Variants in GSG1L observed in about 807,000 individuals in gnomAD.
GSG1L encodes germ cell-specific gene 1-like protein.
GSG1L carries 24 observed loss-of-function variants against 42.1 expected under a neutral mutation model. The observed-to-expected ratio is 0.57, with a 90% CI of 0.41 to 0.80. The LOEUF is 0.80. GSG1L is among the 30% of genes least tolerant of loss of function. The pLI is 0.00. For synonymous variants in GSG1L, 215 were observed against 203.5 expected (o/e 1.06, Z -0.48); for missense variants, 445 against 472.2 (o/e 0.94, Z 0.53).
At chr16:27,873,568 A>G (rs559293392) in intron 3 of GSG1L, among the ~76,000 whole-genome samples, 7 of 152,340 alleles carry the variant, frequency 4.6e-5, no homozygotes, top group Non-Finnish European at 8.8e-5. Flanking sequence ...TCTTTGCCAG[A>G]TGTTGCATTA....
At chr16:27,843,973 G>A (rs928524398) in intron 4 of GSG1L, among the ~76,000 whole-genome samples, 11 of 152,158 alleles carry the variant, frequency 7.2e-5, no homozygotes, top group Non-Finnish European at 1.6e-4. Context: ...CTCCCCAACA[G>A]GGAAGCCAGC....
At chr16:28,034,933 T>C (rs978522613) in intron 1 of GSG1L, among the ~76,000 whole-genome samples, 4 of 152,222 alleles carry the variant, frequency 2.6e-5, no homozygotes, top group African/African-American at 9.6e-5. Flanking sequence ...AGCTTGTCCA[T>C]CTGTACAATG....
rs944731163 is a variant in GSG1L, at chr16:27,794,393, C to T, written c.899-2926G>A. The stretch of plus-strand genomic sequence containing the variant: ...TTGCCCAGGCTGGAGTGCAGTGGCG[C>T]GATCTCGGCTCACTGCCAGCTCCGC... On this transcript the variant is annotated intron_variant, in intron 6 of 6. Coordinates refer to ENST00000447459, the MANE Select transcript of GSG1L (RefSeq NM_001109763.2). 9.2e-5 allele frequency among the ~76,000 whole-genome samples: 14 copies of T among 151,716 alleles called. No individual in the cohort carries two copies. The East Asian group carries it at 1.2e-3, about 13-fold the overall frequency.
At chr16:27,923,332 C>T (rs1427770061) in intron 2 of GSG1L, among the ~76,000 whole-genome samples, 1 of 152,138 alleles carries the variant, frequency 6.6e-6, no homozygotes, top group Non-Finnish European at 1.5e-5. Flanking sequence ...GAGGATCATC[C>T]TCACTCCCAC....
At chr16:27,844,656 A>T (rs2083422773) in intron 4 of GSG1L, among the ~76,000 whole-genome samples, 1 of 152,232 alleles carries the variant, frequency 6.6e-6, no homozygotes, top group East Asian at 1.9e-4. Flanking sequence ...TTCACATGTC[A>T]CAAAACAGCA....
rs1288661905 is a variant in GSG1L at position 27,955,914 on chromosome 16, AAGGAAGGAAGGAAAGAAG to A, written c.397+7224_397+7241del. 2.5e-3 allele frequency among the ~76,000 whole-genome samples: 355 copies of A among 143,750 alleles called. 6 individuals carry two copies. Among genetic ancestry groups the A allele is most frequent in the African/African-American group, 0.01 (351 of 34,884 alleles). 94.3% of individuals were successfully genotyped at this position (143,750 alleles called of 152,430 possible). A position where few individuals can be genotyped will look rare whatever the true frequency, so the allele number is the denominator to read the frequency against. ...GAAGGAAGGAAGGAAGGAAGGAAGG[AAGGAAGGAAGGAAAGAAG>A]GAAGGAAGGAAGGGAGGAAGGAAGG... On this transcript the variant is annotated intron_variant, in intron 2 of 6. Transcript: ENST00000447459.
chr16:27,929,488 C>A (rs1300646944), intron 2 of GSG1L, among the ~76,000 whole-genome samples: 2 of 152,186 alleles, frequency 1.3e-5, no homozygotes, highest in Non-Finnish European at 2.9e-5. Context: ...CCCTCTGGGA[C>A]TGCTAAGTAC....
chr16:27,872,859 C>T (rs141124984), intron 3 of GSG1L, among the ~76,000 whole-genome samples: 6,697 of 152,256 alleles, frequency 0.044, 224 homozygotes, highest in Admixed American at 0.1. Context: ...TTGCCCACCC[C>T]TTTCCCAGAA....
chr16:27,910,871 G>C (rs2141051966), intron 2 of GSG1L, among the ~76,000 whole-genome samples: 1 of 152,266 alleles, frequency 6.6e-6, no homozygotes, highest in Admixed American at 6.5e-5. Context: ...AAACTTGCCA[G>C]GCGTGGTGGC....
intron 1 of GSG1L, among the ~76,000 whole-genome samples, chr16:28,032,857 G>C (rs79813400): frequency 6.6e-6 from 1 of 152,002 alleles, no homozygotes; most frequent in Admixed American, 6.6e-5. Context: ...CAAGGCCGAG[G>C]CACCATCATC....
intron 2 of GSG1L, among the ~76,000 whole-genome samples, chr16:27,933,360 G>T (rs980379169): frequency 6.6e-6 from 1 of 152,016 alleles, no homozygotes; most frequent in African/African-American, 2.4e-5. Flanking sequence ...ATAAATATTT[G>T]TGAAGGCCAA....
intron 1 of GSG1L, among the ~76,000 whole-genome samples, chr16:28,012,525 C>G (rs1343724715): frequency 1.3e-5 from 2 of 152,008 alleles, no homozygotes; most frequent in African/African-American, 4.8e-5. Flanking sequence ...CAAAACTGTA[C>G]CTGTCATCAT....
chr16:28,003,246 A>C (rs2085599113), intron 1 of GSG1L, among the ~76,000 whole-genome samples: 1 of 152,242 alleles, frequency 6.6e-6, no homozygotes, highest in Non-Finnish European at 1.5e-5. Flanking sequence ...GAGCGGCTGC[A>C]AAAGACAGAA....
At chr16:28,041,747 T>G (rs1596724901) in intron 1 of GSG1L, among the ~76,000 whole-genome samples, 1 of 152,332 alleles carries the variant, frequency 6.6e-6, no homozygotes, top group Non-Finnish European at 1.5e-5. Context: ...GCTGTTAGAT[T>G]CTTCCTCTCA....
Position 28,043,701 on chromosome 16 carries a change from G to A in GSG1L, c.349+19375C>T, listed in dbSNP as rs960272377. Reference sequence around the variant, plus strand: ...ACAGGAGCTCCCACTCAGTGCCGGAGGAATGAAAAATGGTACAGCCACTTT... The same window carrying A: ...ACAGGAGCTCCCACTCAGTGCCGGAAGAATGAAAAATGGTACAGCCACTTT... On this transcript the variant is annotated intron_variant, in intron 1 of 6. Transcript: ENST00000447459. Among the ~76,000 whole-genome samples the A allele has an allele frequency of 1.8e-4, 28 of 152,338 alleles. No individual in the cohort carries two copies. The South Asian group carries it at 3.5e-3, about 19-fold the overall frequency.
At chr16:27,905,410 T>C (rs2084309567) in intron 2 of GSG1L, among the ~76,000 whole-genome samples, 1 of 150,686 alleles carries the variant, frequency 6.6e-6, no homozygotes, top group Non-Finnish European at 1.5e-5. Flanking sequence ...CTGCACCTCC[T>C]GGGCTCAAGT....
chr16:27,893,632 C>T (rs2084156312), intron 2 of GSG1L, among the ~76,000 whole-genome samples: 1 of 152,136 alleles, frequency 6.6e-6, no homozygotes, highest in African/African-American at 2.4e-5. Context: ...ACCCAGGCTG[C>T]AGTGCAGTGG....
rs67520911 is a variant in GSG1L at position 27,989,750 on chromosome 16, AC to A, written c.350-26548del. On this transcript the variant is annotated intron_variant, in intron 1 of 6. Transcript: ENST00000447459. The stretch of plus-strand genomic sequence containing the variant: ...GTGAGACTCAGTCTAAAAAAAAAAA[AC>A]AACAAACAATTATATGGGAAACGTT... 9.6e-3 allele frequency among the ~76,000 whole-genome samples: 1,444 copies of A among 150,106 alleles called. 29 individuals are homozygous for A. The highest frequency in any genetic ancestry group is 0.032 in the African/African-American group (1,323 of 40,776).
At chr16:27,807,453 T>G in intron 6 of GSG1L, 34 bp downstream of exon 6, 1 of 1,580,552 alleles carries the variant, frequency 6.3e-7, no homozygotes, top group Non-Finnish European at 8.7e-7. Context: ...CCCATGAATC[T>G]GTCGTAGCAG....
Sources: gnomAD v4.1 joint callset for allele counts (sites outside exome capture counted in the v4.1 genomes callset) on GRCh38, gnomAD v4.1.1 for gene constraint, MANE v1.5 for transcripts, NCBI Gene and HGNC (gene_info 2026-07-23, HGNC 2026-07-21) for gene names.